The following SLC44A1 variants were observed in gnomAD, a reference collection of about 807,000 sequenced individuals.
SLC44A1 encodes the protein solute carrier family 44 member 1.
In SLC44A1, 26 loss-of-function variants were observed where a neutral mutation model predicts 79.3. The observed-to-expected ratio is 0.33, with a 90% CI of 0.24 to 0.46. The LOEUF is 0.46. Among genes scored for constraint, SLC44A1 ranks in the 20% least tolerant of loss-of-function variants. The probability of loss-of-function intolerance (pLI) is 1.00; values close to 1 mark genes in which losing one functional copy is unlikely to be tolerated. For synonymous variants in SLC44A1, 263 were observed against 286.2 expected (o/e 0.92, Z 0.82); for missense variants, 688 against 798.1 (o/e 0.86, Z 1.66).
chr9:105,328,558 C>T (rs1588786932), intron 3 of SLC44A1, among the ~76,000 whole-genome samples: 1 of 152,152 alleles, frequency 6.6e-6, no homozygotes, highest in South Asian at 2.1e-4. Flanking sequence ...TAGAGAGGTG[C>T]ACATTCTCTG....
intron 1 of SLC44A1, among the ~76,000 whole-genome samples, chr9:105,283,372 G>A (rs1830403497): frequency 6.6e-6 from 1 of 152,168 alleles, no homozygotes; most frequent in South Asian, 2.1e-4. Flanking sequence ...ACTTGGTGTG[G>A]TTTAGGTTTT....
chr9:105,301,655 C>A (rs960570056), intron 2 of SLC44A1, among the ~76,000 whole-genome samples: 1 of 151,892 alleles, frequency 6.6e-6, no homozygotes, highest in African/African-American at 2.4e-5. Context: ...CACTTTAGTA[C>A]GTGTATATAT....
chr9:105,404,409 T>C (rs1430518467), intron 15 of SLC44A1, among the ~76,000 whole-genome samples: 1 of 152,060 alleles, frequency 6.6e-6, no homozygotes, highest in African/African-American at 2.4e-5. Flanking sequence ...CATTGGAAAA[T>C]AATTTACTTT....
intron 4 of SLC44A1, among the ~76,000 whole-genome samples, chr9:105,339,656 C>A (rs1047801872): frequency 1.3e-4 from 19 of 151,894 alleles, no homozygotes; most frequent in African/African-American, 4.6e-4. Flanking sequence ...GTAGTGAGAT[C>A]TCGTCTCTAT....
chr9:105,366,381 C>T lies in SLC44A1; in HGVS notation c.1446C>T (p.Cys482=), dbSNP rs767932420. ...GTGCACGATGTGTGCTGAAATCTTG[C>T]ATTTGTTGCCTTTGGTGTCTTGAAA... The part of the protein sequence containing the change: ...NACARCVLKS[C]ICCLWCLEKC... Residue 482 remains cysteine (C), a synonymous_variant, in exon 12 of 16, where the codon TGC becomes TGT. Transcript: ENST00000374720. 7 of 1,529,454 alleles carry T rather than the reference C, an allele frequency of 4.6e-6. No individual in the cohort carries two copies. The Admixed American group carries it at 1.4e-4, about 31-fold the overall frequency. 94.7% of individuals were successfully genotyped at this position (1,529,454 alleles called of 1,614,324 possible).
chr9:105,395,630 T>C lies in SLC44A1; in HGVS notation c.*6574T>C, dbSNP rs1281187423. ...CCAGTCTAAGTATCTAAATGTGATA[T>C]GCCCTTTTGTCACAGAAGTGTAAGA... is the stretch of plus-strand genomic sequence containing the variant. On this transcript the variant is annotated 3_prime_UTR_variant, in exon 16 of 16. Coordinates refer to ENST00000374720, the MANE Select transcript of SLC44A1 (RefSeq NM_080546.5). 3.0e-6 allele frequency: 3 copies of C among 985,160 alleles called. No homozygotes were observed. Among genetic ancestry groups the C allele is most frequent in the African/African-American group, 1.7e-5 (1 of 57,246 alleles). The allele number at this position is 985,160 out of a possible 1,614,324, so 61.0% of individuals were successfully genotyped here.
intron 3 of SLC44A1, among the ~76,000 whole-genome samples, chr9:105,326,514 G>A (rs530816518): frequency 6.6e-6 from 1 of 152,294 alleles, no homozygotes; most frequent in South Asian, 2.1e-4. Flanking sequence ...AGCTAAAGAG[G>A]GGAGTCTTCC....
In SLC44A1 at chr9:105,281,944, G is replaced by A. The variant is rs145094636; in HGVS notation, c.37-17276G>A. Reference sequence around the variant, plus strand: ...CAGAAAGAACCAATTGACATGGAGTGGGATGGGGTACAGAGACTGAGGAGA... The same window carrying A: ...CAGAAAGAACCAATTGACATGGAGTAGGATGGGGTACAGAGACTGAGGAGA... On this transcript the variant is annotated intron_variant, in intron 1 of 15. Transcript: ENST00000374720. Among the ~76,000 whole-genome samples, 10 of 152,292 alleles carry A rather than the reference G, an allele frequency of 6.6e-5. No individual in the cohort carries two copies. The East Asian group carries it at 1.9e-3, about 29-fold the overall frequency.
intron 15 of SLC44A1, among the ~76,000 whole-genome samples, chr9:105,425,032 C>T (rs1468505944): frequency 6.6e-6 from 1 of 151,824 alleles, no homozygotes; most frequent in African/African-American, 2.4e-5. Context: ...GGTAACACCT[C>T]ACAGATTTTT....
chr9:105,404,929 G>C (rs2131501820), intron 15 of SLC44A1, among the ~76,000 whole-genome samples: 1 of 152,278 alleles, frequency 6.6e-6, no homozygotes, highest in East Asian at 1.9e-4. Flanking sequence ...TCATTCATTA[G>C]CTAACAGATA....
chr9:105,352,389 G>A (rs1827478410), intron 5 of SLC44A1, among the ~76,000 whole-genome samples: 1 of 152,144 alleles, frequency 6.6e-6, no homozygotes, highest in Admixed American at 6.5e-5. Context: ...TCATACTTTA[G>A]GGAGCTTATT....
chr9:105,302,993 G>A (rs1004143184), intron 2 of SLC44A1, among the ~76,000 whole-genome samples: 4 of 152,126 alleles, frequency 2.6e-5, no homozygotes, highest in East Asian at 3.8e-4. Context: ...ATTAGGATCC[G>A]TAACATTTAT....
intron 1 of SLC44A1, among the ~76,000 whole-genome samples, chr9:105,295,401 G>T (rs948674721): frequency 6.6e-6 from 1 of 152,210 alleles, no homozygotes; most frequent in African/African-American, 2.4e-5. Context: ...TGGAATCTGA[G>T]AAAGGGGTAA....
intron 3 of SLC44A1, among the ~76,000 whole-genome samples, chr9:105,315,384 TG>T (rs995465732): frequency 6.6e-6 from 1 of 151,868 alleles, no homozygotes; most frequent in African/African-American, 2.4e-5. Context: ...TAATAAACAG[TG>T]GTCTTATTTT....
chr9:105,386,841 G>A (rs1375736198), intron 15 of SLC44A1: 4 of 139,104 alleles, frequency 2.9e-5, no homozygotes, highest in Admixed American at 2.3e-4. Context: ...TGGGCAAAAC[G>A]GTGAAACCCT....
chr9:105,335,565 A>G lies in SLC44A1; in HGVS notation c.272A>G (p.Tyr91Cys), dbSNP rs200645705. 22 of 1,610,926 alleles carry G rather than the reference A, an allele frequency of 1.4e-5. No individual in the cohort carries two copies. The African/African-American group carries it at 1.7e-4, about 13-fold the overall frequency. ...NSGMDHTQRK[Y>C]VFFLDPCNLD... Reference sequence around the variant, plus strand: ...CAGTTTTTTTCTCCATGCTTTAGGTATGTATTCTTTTTGGATCCATGCAAC... The same window carrying G: ...CAGTTTTTTTCTCCATGCTTTAGGTGTGTATTCTTTTTGGATCCATGCAAC... The change falls in exon 4 of 16, where the codon TAT becomes TGT. Residue 91 changes from tyrosine to cysteine, a missense_variant and splice_region_variant. Transcript: ENST00000374720.
At chr9:105,413,845 T>C (rs1405163058) in intron 15 of SLC44A1, among the ~76,000 whole-genome samples, 3 of 152,174 alleles carry the variant, frequency 2.0e-5, no homozygotes, top group South Asian at 4.1e-4. Context: ...GTGATCCCCC[T>C]GACTACGAAG....
intron 1 of SLC44A1, among the ~76,000 whole-genome samples, chr9:105,249,862 CT>C (rs955204505): frequency 1.4e-5 from 2 of 145,876 alleles, no homozygotes; most frequent in African/African-American, 5.2e-5. Context: ...TTGCAGTTTA[CT>C]AATTTTTTTT....
At chr9:105,354,422 A>C (rs1328239666) in intron 5 of SLC44A1, among the ~76,000 whole-genome samples, 1 of 152,208 alleles carries the variant, frequency 6.6e-6, no homozygotes, top group African/African-American at 2.4e-5. Context: ...ATAATTTAAT[A>C]TCTTTTTGCA....
Sources: allele counts gnomAD v4.1 joint callset (sites outside exome capture counted in the v4.1 genomes callset), GRCh38; gene constraint gnomAD v4.1.1; transcripts MANE v1.5; gene names NCBI Gene and HGNC (gene_info 2026-07-23, HGNC 2026-07-21).